Variants in RIMS2 observed in about 807,000 individuals in gnomAD.
RIMS2 encodes regulating synaptic membrane exocytosis protein 2.
Under a neutral mutation model 174.4 loss-of-function variants are expected in RIMS2, and 59 were observed. That is an observed-to-expected ratio of 0.34 (90% confidence interval 0.27 to 0.42). The LOEUF (loss-of-function observed/expected upper bound fraction) is 0.42. RIMS2 is among the 10% of genes least tolerant of loss of function. The pLI is 1.00. For synonymous variants in RIMS2, 606 were observed against 572.5 expected (o/e 1.06, Z -0.84); for missense variants, 1,620 against 1,666.3 (o/e 0.97, Z 0.48).
intron 19 of RIMS2, among the ~76,000 whole-genome samples, 165 bp from the exon 22 acceptor site, chr8:104,041,161 T>C (rs1414361207): frequency 6.6e-6 from 1 of 151,624 alleles, no homozygotes; most frequent in African/African-American, 2.4e-5. Context: ...CTTACGTATT[T>C]TTTGTGGAAT....
At position 103,857,036 on chromosome 8, in the gene RIMS2, A is replaced by AT. The variant is rs527296334; in HGVS notation, c.699-28261dup. ...AAATATTTATGTATAGGTAGAGACA[A>AT]TATCATTACATTGAACTTTGAGTTT... On this transcript the variant is annotated intron_variant, in intron 3 of 23. Coordinates refer to ENST00000504942, the Ensembl canonical transcript of RIMS2. Among the ~76,000 whole-genome samples, 6 of 152,234 alleles carry AT rather than the reference A, an allele frequency of 3.9e-5. No homozygotes were observed. In the East Asian group the frequency reaches 1.2e-3, roughly 29 times the overall value.
intron 1 of RIMS2, among the ~76,000 whole-genome samples, chr8:103,608,627 G>C (rs2095242831): frequency 6.6e-6 from 1 of 150,896 alleles, no homozygotes; most frequent in South Asian, 2.1e-4. Context: ...AGACTGCTGT[G>C]CTAGCAATCA....
At chr8:104,239,984 G>T (rs981585849) in intron 19 of RIMS2, among the ~76,000 whole-genome samples, 1 of 152,102 alleles carries the variant, frequency 6.6e-6, no homozygotes, top group African/African-American at 2.4e-5. Context: ...CCATTTTCTT[G>T]CTGTCAGCCA....
At chr8:103,820,473 A>C (rs139541396) in intron 3 of RIMS2, among the ~76,000 whole-genome samples, 1 of 152,100 alleles carries the variant, frequency 6.6e-6, no homozygotes, top group East Asian at 1.9e-4. Flanking sequence ...ATGGGGAACT[A>C]ATAGTGCATA....
intron 19 of RIMS2, among the ~76,000 whole-genome samples, chr8:104,195,662 A>T (rs1011603927): frequency 6.6e-6 from 1 of 151,820 alleles, no homozygotes; most frequent in Non-Finnish European, 1.5e-5. Context: ...CTACAGGCAC[A>T]CGTCGCCATG....
At chr8:103,918,394 A>G (rs2076995792) in intron 8 of RIMS2, 47 bp from the exon 12 acceptor site, 6 of 1,241,920 alleles carry the variant, frequency 4.8e-6, no homozygotes, top group Admixed American at 2.2e-5. Context: ...AGTTGCATTA[A>G]TTGTTGAAAC....
At chr8:104,234,202 A>G (rs986121481) in intron 19 of RIMS2, among the ~76,000 whole-genome samples, 1 of 152,176 alleles carries the variant, frequency 6.6e-6, no homozygotes, top group Non-Finnish European at 1.5e-5. Flanking sequence ...ACAGAAAGAT[A>G]AGTTACCTGC....
chr8:103,787,889 C>A (rs2098458916), intron 3 of RIMS2, among the ~76,000 whole-genome samples: 1 of 152,072 alleles, frequency 6.6e-6, no homozygotes, highest in South Asian at 2.1e-4. Context: ...TCCATTCTCC[C>A]CATCACTTTC....
At chr8:103,562,955 C>T (rs114368396) in intron 1 of RIMS2, among the ~76,000 whole-genome samples, 3,431 of 152,228 alleles carry the variant, frequency 0.023, 136 homozygotes, top group African/African-American at 0.077. Flanking sequence ...TACCTTGGCC[C>T]CTTTTAGTCA....
intron 19 of RIMS2, among the ~76,000 whole-genome samples, chr8:104,130,155 A>G (rs2098463095): frequency 6.6e-6 from 1 of 152,222 alleles, no homozygotes; most frequent in African/African-American, 2.4e-5. Context: ...CAAAATATCC[A>G]AATGCCATGA....
chr8:104,039,293 C>T (rs754996849), intron 19 of RIMS2, among the ~76,000 whole-genome samples: 1 of 151,540 alleles, frequency 6.6e-6, no homozygotes, highest in Admixed American at 6.6e-5. Context: ...GAAAATTGAC[C>T]TGGTAATCAG....
intron 1 of RIMS2, among the ~76,000 whole-genome samples, chr8:103,644,675 ATATT>A (rs1399035944): frequency 1.3e-5 from 2 of 151,126 alleles, no homozygotes; most frequent in South Asian, 2.1e-4. Flanking sequence ...GACATTTTAA[ATATT>A]TATTTAAAAC....
At chr8:104,028,755 A>G (rs1381745650) in intron 19 of RIMS2, among the ~76,000 whole-genome samples, 1 of 152,224 alleles carries the variant, frequency 6.6e-6, no homozygotes, top group Non-Finnish European at 1.5e-5. Flanking sequence ...ATCCCATCAA[A>G]TATAACAAAT....
chr8:103,547,943 CT>C (rs2131470014), intron 1 of RIMS2, among the ~76,000 whole-genome samples: 1 of 152,176 alleles, frequency 6.6e-6, no homozygotes, highest in South Asian at 2.1e-4. Context: ...AACATACCAC[CT>C]GCCAAGATTG....
intron 3 of RIMS2, among the ~76,000 whole-genome samples, chr8:103,853,685 A>G (rs2099011624): frequency 6.6e-6 from 1 of 152,066 alleles, no homozygotes; most frequent in Non-Finnish European, 1.5e-5. Context: ...CAAAGAACAG[A>G]TGGTTGTAAG....
intron 19 of RIMS2, among the ~76,000 whole-genome samples, chr8:104,111,430 CAG>C (rs1287301584): frequency 6.6e-6 from 1 of 152,260 alleles, no homozygotes; most frequent in South Asian, 2.1e-4. Flanking sequence ...GTTTTTGAGA[CAG>C]AGTCTCACTC....
At chr8:103,912,379 A>G (rs374710842) in intron 6 of RIMS2, among the ~76,000 whole-genome samples, 48 of 152,324 alleles carry the variant, frequency 3.2e-4, no homozygotes, top group East Asian at 7.7e-4. Context: ...ATACTTGTAT[A>G]TATATAAATT....
intron 19 of RIMS2, among the ~76,000 whole-genome samples, chr8:104,212,357 A>C (rs1221544865): frequency 1.3e-5 from 2 of 152,198 alleles, no homozygotes; most frequent in Non-Finnish European, 2.9e-5. Flanking sequence ...AAGTCAGCCA[A>C]GGGTTTTTTT....
chr8:104,224,716 G>A (rs1460326846), intron 19 of RIMS2, among the ~76,000 whole-genome samples: 1 of 152,096 alleles, frequency 6.6e-6, no homozygotes, highest in African/African-American at 2.4e-5. Flanking sequence ...GACATCTGTA[G>A]TGAGCCCTGA....
Sources: gnomAD v4.1 joint callset for allele counts (sites outside exome capture counted in the v4.1 genomes callset) on GRCh38, gnomAD v4.1.1 for gene constraint, MANE v1.5 for transcripts, NCBI Gene and HGNC (gene_info 2026-07-23, HGNC 2026-07-21) for gene names.